AMPH: variants seen among roughly 807,000 people sequenced by gnomAD.
AMPH encodes the protein amphiphysin (Stiff-Mann syndrome with breast cancer 128kD autoantigen).
A neutral mutation model predicts 99.1 loss-of-function variants in AMPH; 49 were observed. That is an observed-to-expected ratio of 0.49 (90% CI 0.39 to 0.63). The LOEUF (loss-of-function observed/expected upper bound fraction) is 0.63. Among genes scored for constraint, AMPH ranks in the 20% least tolerant of loss-of-function variants. The probability of loss-of-function intolerance (pLI) is 0.00; values close to 1 mark genes in which losing one functional copy is unlikely to be tolerated. For missense variants in AMPH, 759 were observed against 863.4 expected (o/e 0.88, Z 1.52); for synonymous variants, 314 against 317.3 (o/e 0.99, Z 0.11).
chr7:38,558,232 A>G (rs998931670), intron 1 of AMPH, among the ~76,000 whole-genome samples: 3 of 152,206 alleles, frequency 2.0e-5, no homozygotes, highest in Admixed American at 6.5e-5. Flanking sequence ...AGCACATAAC[A>G]GATGGTTCTT....
In AMPH at chr7:38,417,708, A is replaced by T; in HGVS notation, c.1398+117T>A. 3 of 1,345,172 alleles carry T rather than the reference A, an allele frequency of 2.2e-6. No individual in the cohort carries two copies. The East Asian group carries it at 7.1e-5, about 32-fold the overall frequency. 83.3% of individuals were successfully genotyped at this position (1,345,172 alleles called of 1,614,324 possible). On this transcript the variant is annotated intron_variant, in intron 17 of 20. Transcript: ENST00000356264. ...GCTATTTGAACCTGGGAGCTACGAC[A>T]GATATGGAGCATGTTTGGCCCAAGT...
chr7:38,496,879 G>GA (rs1227884467), intron 3 of AMPH, among the ~76,000 whole-genome samples: 1 of 151,498 alleles, frequency 6.6e-6, no homozygotes, highest in Non-Finnish European at 1.5e-5. Context: ...CTTAAGAGAA[G>GA]AAAAAGAAAT....
At chr7:38,549,113 A>T (rs1443971195) in intron 1 of AMPH, among the ~76,000 whole-genome samples, 5 of 152,182 alleles carry the variant, frequency 3.3e-5, no homozygotes, top group Non-Finnish European at 5.9e-5. Context: ...TTTTTGTTAA[A>T]AGGGAAGCCT....
At chr7:38,593,657 T>C (rs988810105) in intron 1 of AMPH, among the ~76,000 whole-genome samples, 6 of 152,228 alleles carry the variant, frequency 3.9e-5, no homozygotes, top group African/African-American at 1.4e-4. Flanking sequence ...TTTCATTCGT[T>C]CATCAACAAA....
At chr7:38,455,426 A>G (rs188120379) in intron 11 of AMPH, among the ~76,000 whole-genome samples, 207 of 152,268 alleles carry the variant, frequency 1.4e-3, no homozygotes, top group Middle Eastern at 3.4e-3. Flanking sequence ...AAACTAGTAC[A>G]TGCTTCTTCC....
intron 1 of AMPH, among the ~76,000 whole-genome samples, chr7:38,579,397 T>A (rs59154340): frequency 0.28 from 42,609 of 151,900 alleles, 6,327 homozygotes; most frequent in Non-Finnish European, 0.34. Context: ...TCTTCCCAGA[T>A]CAGCATCCTT....
intron 2 of AMPH, among the ~76,000 whole-genome samples, chr7:38,520,694 A>G (rs1257741805): frequency 6.6e-6 from 1 of 152,216 alleles, no homozygotes. Context: ...ATACCACTAG[A>G]ATATTCCTTG....
At chr7:38,471,236 C>G (rs1787873159) in intron 7 of AMPH, among the ~76,000 whole-genome samples, 1 of 152,178 alleles carries the variant, frequency 6.6e-6, no homozygotes, top group South Asian at 2.1e-4. Flanking sequence ...CTGCTTCAAC[C>G]CACAGGCCTT....
chr7:38,581,188 A>T (rs13240768), intron 1 of AMPH, among the ~76,000 whole-genome samples: 21,696 of 152,204 alleles, frequency 0.14, 1,853 homozygotes, highest in Non-Finnish European at 0.2. Flanking sequence ...TAATAATTAA[A>T]ATACGTCATA....
chr7:38,603,472 C>T (rs1793325900), intron 1 of AMPH, among the ~76,000 whole-genome samples: 1 of 152,188 alleles, frequency 6.6e-6, no homozygotes, highest in Admixed American at 6.5e-5. Flanking sequence ...CTTTTCTATT[C>T]TCTCAACCTC....
intron 17 of AMPH, among the ~76,000 whole-genome samples, chr7:38,412,743 T>C (rs961156729): frequency 6.6e-6 from 1 of 152,224 alleles, no homozygotes; most frequent in African/African-American, 2.4e-5. Context: ...TCTGCCCTTC[T>C]TTTTCCTTCT....
chr7:38,559,361 G>A (rs778961598), intron 1 of AMPH, among the ~76,000 whole-genome samples: 3 of 152,228 alleles, frequency 2.0e-5, no homozygotes, highest in Non-Finnish European at 4.4e-5. Flanking sequence ...CTAATTTTTA[G>A]GCCGGAGAAC....
At chr7:38,602,408 T>A (rs1026798857) in intron 1 of AMPH, among the ~76,000 whole-genome samples, 5 of 152,364 alleles carry the variant, frequency 3.3e-5, no homozygotes, top group African/African-American at 1.2e-4. Context: ...AACATCGAGC[T>A]GTCGGCAGGG....
intron 7 of AMPH, among the ~76,000 whole-genome samples, chr7:38,468,249 A>G (rs1787741708): frequency 6.6e-6 from 1 of 152,224 alleles, no homozygotes; most frequent in Admixed American, 6.5e-5. Flanking sequence ...TATTTCTTCA[A>G]TTAAAGTTAA....
At chr7:38,520,054 C>A (rs915104795) in intron 2 of AMPH, among the ~76,000 whole-genome samples, 2 of 152,066 alleles carry the variant, frequency 1.3e-5, no homozygotes, top group Admixed American at 6.5e-5. Context: ...ATTATAACTC[C>A]TTTGCCTTTC....
intron 2 of AMPH, among the ~76,000 whole-genome samples, chr7:38,514,978 G>C (rs535265735): frequency 2.7e-4 from 41 of 152,310 alleles, no homozygotes; most frequent in South Asian, 6.2e-4. Context: ...AGAGCATTAA[G>C]GGTGATTCTC....
chr7:38,495,670 G>A (rs1016312088), intron 3 of AMPH, among the ~76,000 whole-genome samples: 2 of 151,100 alleles, frequency 1.3e-5, no homozygotes, highest in African/African-American at 4.9e-5. Flanking sequence ...TTGAAGATCT[G>A]CTGTATTATT....
Position 38,477,031 on chromosome 7 carries a change from G to A in AMPH, c.397-62C>T, listed in dbSNP as rs559861126. The A allele has an allele frequency of 6.6e-4, 958 of 1,452,202 alleles. 11 individuals are homozygous for A. In the South Asian group the frequency reaches 0.01, roughly 16 times the overall value. 90.0% of individuals were successfully genotyped at this position (1,452,202 alleles called of 1,614,324 possible). On this transcript the variant is annotated intron_variant, in intron 5 of 20. Transcript: ENST00000356264. ...TGGACATAAGAGTCTCCCTTTGACA[G>A]CCAGGTGCCAAAATGCTTTCCTTGG...
chr7:38,600,768 T>C (rs540388200), intron 1 of AMPH, among the ~76,000 whole-genome samples: 35 of 152,230 alleles, frequency 2.3e-4, no homozygotes, highest in Non-Finnish European at 4.1e-4. Flanking sequence ...TTTGTCAGTG[T>C]TTCTATATGA....
Sources: allele counts gnomAD v4.1 joint callset (sites outside exome capture counted in the v4.1 genomes callset), GRCh38; gene constraint gnomAD v4.1.1; transcripts MANE v1.5; gene names NCBI Gene and HGNC (gene_info 2026-07-23, HGNC 2026-07-21).